The following POP4 variants were observed in gnomAD, a reference collection of about 807,000 sequenced individuals.
The protein encoded by POP4 is ribonuclease P protein subunit p29.
A neutral mutation model predicts 29.9 loss-of-function variants in POP4; 31 were observed. That is an observed-to-expected ratio of 1.04 (90% CI 0.78 to 1.40). The LOEUF (loss-of-function observed/expected upper bound fraction) is 1.40. Among genes scored for constraint, POP4 ranks in the 40% most tolerant of loss-of-function variants. POP4 has a pLI of 0.00. For missense variants in POP4, 286 were observed against 282.7 expected, an observed-to-expected ratio of 1.01 and a Z score of -0.08; for synonymous variants, 110 against 108.2, an observed-to-expected ratio of 1.02 and a Z score of -0.10.
At chr19:29,612,033 T>C (rs1971075441) in intron 4 of POP4, 84 bp from the exon 5 acceptor site, 1 of 1,588,212 alleles carries the variant, frequency 6.3e-7, no homozygotes, top group African/African-American at 1.4e-5. Flanking sequence ...TGGTATTGCC[T>C]GGCTGCAGAC....
chr19:29,615,107 CT>C (rs2145559861), intron 6 of POP4, 136 bp from the exon 7 acceptor site: 1 of 1,083,444 alleles, frequency 9.2e-7, no homozygotes, highest in Admixed American at 3.1e-5. Context: ...TGCCCCTCCC[CT>C]TGTGGGTTTC....
chr19:29,611,948 C>A lies in POP4; in HGVS notation c.362+9C>A, dbSNP rs750241853. The A allele has an allele frequency of 1.2e-6, 2 of 1,612,844 alleles. No individual in the cohort carries two copies. The highest frequency in any genetic ancestry group is 1.7e-6 in the Non-Finnish European group (2 of 1,178,826). ...GGGCTCAAGCCAGACACGTAAGTTG[C>A]ATTCCTGAAGCTTTGCTCTTTGGGG... On this transcript the variant is annotated intron_variant, in intron 4 of 6. Transcript: ENST00000585603.
chr19:29,612,054 C>A (rs1971075719), intron 4 of POP4, 63 bp from the exon 5 acceptor site: 1 of 1,586,680 alleles, frequency 6.3e-7, no homozygotes, highest in South Asian at 1.1e-5. Context: ...GGTTAAAGAC[C>A]TAGTTGCTTC....
At chr19:29,613,680 C>G (rs539426715) in intron 5 of POP4, 191 bp from the exon 6 acceptor site, 1 of 848,178 alleles carries the variant, frequency 1.2e-6, no homozygotes, top group East Asian at 2.8e-5. Context: ...CTGCAAAGCC[C>G]CAGGGGAAGC....
rs1421783920 is a variant in POP4 at position 29,612,195 on chromosome 19, C to T, written c.424+17C>T. On this transcript the variant is annotated intron_variant, in intron 5 of 6. Transcript: ENST00000585603. ...TTATTTCAGGTAATTTACCTAAGAG[C>T]GTGTAGCACATGGCCATCCAGAGGT... 3.8e-6 allele frequency: 6 copies of T among 1,595,488 alleles called. No homozygotes were observed. The highest frequency in any genetic ancestry group is 5.1e-6 in the Non-Finnish European group (6 of 1,172,894).
chr19:29,610,546 C>CAAGGAG lies in POP4; in HGVS notation c.202_207dup (p.Glu68_Lys69dup), dbSNP rs1971054845. ...TGGAGTACTTCACCCGCCACAAGCG[C>CAAGGAG]AAGGAGAAGAAGAAGAAAGCCAAAG... is the stretch of plus-strand genomic sequence containing the variant. On this transcript the variant is annotated inframe_insertion, in exon 3 of 7. Coordinates refer to ENST00000585603, the MANE Select transcript of POP4 (RefSeq NM_006627.3). The CAAGGAG allele has an allele frequency of 3.1e-6, 5 of 1,614,050 alleles. No individual in the cohort carries two copies. Among genetic ancestry groups the CAAGGAG allele is most frequent in the Non-Finnish European group, 4.2e-6 (5 of 1,180,048 alleles).
rs374240282 is a variant in POP4 at position 29,612,099 on chromosome 19, C to A, written c.363-18C>A. On this transcript the variant is annotated intron_variant, in intron 4 of 6. Transcript: ENST00000585603. ...TTTTTATCATGATGTAAACCAAGGG[C>A]TTCTGTTTACCCTGCAGGCAGCCAC... is the stretch of plus-strand genomic sequence containing the variant. 2.2e-5 allele frequency: 35 copies of A among 1,602,184 alleles called. No homozygotes were observed. The highest frequency in any genetic ancestry group is 2.8e-5 in the Non-Finnish European group (33 of 1,176,490).
chr19:29,608,148 G>C (rs1479697678), intron 1 of POP4, among the ~76,000 whole-genome samples: 1 of 152,032 alleles, frequency 6.6e-6, no homozygotes, highest in Non-Finnish European at 1.5e-5. Flanking sequence ...GGTGGGATAA[G>C]AGGCATCCAA....
intron 3 of POP4, chr19:29,611,153 CT>C: frequency 6.4e-6 from 1 of 157,024 alleles, no homozygotes; most frequent in Non-Finnish European, 1.4e-5. Context: ...TGTCTGTAGG[CT>C]TTTGCTTGGA....
chr19:29,607,223 C>CA, intron 1 of POP4, among the ~76,000 whole-genome samples: 1 of 150,758 alleles, frequency 6.6e-6, no homozygotes, highest in South Asian at 2.1e-4. Context: ...CACTTGAGGC[C>CA]AAGAGTTGAA....
In POP4 at chr19:29,612,096, G is replaced by A. The variant is rs371427376; in HGVS notation, c.363-21G>A. Reference sequence around the variant, plus strand: ...AACTTTTTATCATGATGTAAACCAAGGGCTTCTGTTTACCCTGCAGGCAGC... The same window carrying A: ...AACTTTTTATCATGATGTAAACCAAAGGCTTCTGTTTACCCTGCAGGCAGC... On this transcript the variant is annotated intron_variant, in intron 4 of 6. Coordinates refer to ENST00000585603, the MANE Select transcript of POP4 (RefSeq NM_006627.3). The A allele has an allele frequency of 3.6e-5, 58 of 1,601,052 alleles. No homozygotes were observed. The African/African-American group carries it at 7.3e-4, about 20-fold the overall frequency.
chr19:29,615,106 C>G, intron 6 of POP4, 138 bp from the exon 7 acceptor site: 1 of 1,043,256 alleles, frequency 9.6e-7, no homozygotes, highest in South Asian at 2.0e-5. Context: ...ATGCCCCTCC[C>G]CTTGTGGGTT....
At chr19:29,608,572 G>T in intron 1 of POP4, 85 bp from the exon 2 acceptor site, 1 of 1,374,078 alleles carries the variant, frequency 7.3e-7, no homozygotes, top group Admixed American at 1.7e-5. Context: ...GCCTAGTGGC[G>T]TAGTTATTTT....
Position 29,612,562 on chromosome 19 carries a change from G to A in POP4, c.424+384G>A, listed in dbSNP as rs535717141. The stretch of plus-strand genomic sequence containing the variant: ...CAGCCCCCAAGGTGACATCTCCAGC[G>A]TAGGCCTGTCCCCTGAACTCCAGGC... On this transcript the variant is annotated intron_variant, in intron 5 of 6. Coordinates refer to ENST00000585603, the MANE Select transcript of POP4 (RefSeq NM_006627.3). Among the ~76,000 whole-genome samples the A allele has an allele frequency of 3.9e-5, 6 of 152,234 alleles. No individual in the cohort carries two copies. The South Asian group carries it at 1.0e-3, about 26-fold the overall frequency.
In POP4 at chr19:29,610,549, G is replaced by A. The variant is rs771711261; in HGVS notation, c.201G>A (p.Lys67=). ...VLEYFTRHKR[K]EKKKKAKGLS... is the part of the protein sequence containing the mutation. ...AGTACTTCACCCGCCACAAGCGCAA[G>A]GAGAAGAAGAAGAAAGCCAAAGGCC... The change falls in exon 3 of 7, where the codon AAG becomes AAA. Residue 67 remains lysine (K), a synonymous_variant. Transcript: ENST00000585603. 1.9e-6 allele frequency: 3 copies of A among 1,614,192 alleles called. No individual in the cohort carries two copies. Among genetic ancestry groups the A allele is most frequent in the Non-Finnish European group, 2.5e-6 (3 of 1,180,052 alleles).
chr19:29,611,959 C>T lies in POP4; in HGVS notation c.362+20C>T. The T allele has an allele frequency of 1.9e-6, 3 of 1,609,790 alleles. No individual in the cohort carries two copies. The highest frequency in any genetic ancestry group is 2.6e-6 in the Non-Finnish European group (3 of 1,176,042). On this transcript the variant is annotated intron_variant, in intron 4 of 6. Coordinates refer to ENST00000585603, the MANE Select transcript of POP4 (RefSeq NM_006627.3). ...AGACACGTAAGTTGCATTCCTGAAG[C>T]TTTGCTCTTTGGGGTGGATCTCAAG...
chr19:29,606,857 T>C (rs866602745), intron 1 of POP4, among the ~76,000 whole-genome samples: 6 of 140,178 alleles, frequency 4.3e-5, no homozygotes, highest in Middle Eastern at 3.7e-3. Flanking sequence ...GTAGATTGTC[T>C]CGGCATGTCT....
rs374388112 is a variant in POP4, at chr19:29,610,651, G to A, written c.284+19G>A. 1.2e-4 allele frequency: 194 copies of A among 1,609,346 alleles called. No individual in the cohort carries two copies. The highest frequency in any genetic ancestry group is 1.5e-4 in the Admixed American group (9 of 59,384). On this transcript the variant is annotated intron_variant, in intron 3 of 6. Transcript: ENST00000585603. ...AGCAGAGGTAACCCGAGCTCCCCAC[G>A]TCTTTCTGCCCGCGGTGCTTACCCT...
intron 6 of POP4, 99 bp downstream of exon 6, chr19:29,614,071 A>T: frequency 6.7e-7 from 1 of 1,492,882 alleles, no homozygotes; most frequent in Non-Finnish European, 8.9e-7. Flanking sequence ...TTGACCCCTC[A>T]AGTCAGCGCA....
Sources: gnomAD v4.1 joint callset for allele counts (sites outside exome capture counted in the v4.1 genomes callset) on GRCh38, gnomAD v4.1.1 for gene constraint, MANE v1.5 for transcripts, NCBI Gene and HGNC (gene_info 2026-07-23, HGNC 2026-07-21) for gene names.